Variants in LRMDA observed in about 807,000 individuals in gnomAD.
The protein encoded by LRMDA is leucine-rich melanocyte differentiation-associated protein.
In LRMDA, 18 loss-of-function variants were observed where a neutral mutation model predicts 29.8. The observed-to-expected ratio is 0.60, with a 90% confidence interval of 0.42 to 0.90. The LOEUF is 0.90. Ranked by LOEUF, LRMDA falls within the 40% of genes least tolerant of loss-of-function variation. The pLI, the probability that LRMDA is intolerant of heterozygous loss-of-function variation, is 0.00. For synonymous variants in LRMDA, 125 were observed against 109.4 expected (o/e 1.14, Z -0.89); for missense variants, 273 against 273.9 (o/e 1.00, Z 0.02).
intron 2 of LRMDA, among the ~76,000 whole-genome samples, chr10:75,709,633 T>G (rs1468863832): frequency 6.6e-6 from 1 of 152,192 alleles, no homozygotes; most frequent in Admixed American, 6.5e-5. Flanking sequence ...AAGGTCCTTC[T>G]CAGTGGCAGT....
chr10:75,579,454 A>G (rs1310318097), intron 2 of LRMDA, among the ~76,000 whole-genome samples: 2 of 152,188 alleles, frequency 1.3e-5, no homozygotes, highest in Admixed American at 6.5e-5. Flanking sequence ...AAAAAAGTCC[A>G]GGACCCGATG....
chr10:76,371,244 C>G (rs12220530), intron 6 of LRMDA, among the ~76,000 whole-genome samples: 20,423 of 152,124 alleles, frequency 0.13, 2,601 homozygotes, highest in African/African-American at 0.33. Flanking sequence ...AATTGAGATG[C>G]TGGACCTGAA....
At chr10:75,780,528 T>G (rs1202588615) in intron 2 of LRMDA, among the ~76,000 whole-genome samples, 2 of 152,090 alleles carry the variant, frequency 1.3e-5, no homozygotes, top group Non-Finnish European at 2.9e-5. Context: ...AGGACAGCAA[T>G]AGCTGGAGGA....
At chr10:75,697,834 A>AGTGTGTGTGT (rs377639647) in intron 2 of LRMDA, among the ~76,000 whole-genome samples, 36 of 132,140 alleles carry the variant, frequency 2.7e-4, no homozygotes, top group South Asian at 9.5e-4. Flanking sequence ...TGCATGTAAG[A>AGTGTGTGTGT]GTGTGTGTGT....
intron 6 of LRMDA, among the ~76,000 whole-genome samples, chr10:76,523,574 C>T (rs1843144114): frequency 6.6e-6 from 1 of 151,934 alleles, no homozygotes; most frequent in Non-Finnish European, 1.5e-5. Flanking sequence ...GAGTTTTCTG[C>T]CAGAAACAGC....
chr10:76,298,046 C>A (rs747552552), intron 5 of LRMDA, among the ~76,000 whole-genome samples: 2 of 152,210 alleles, frequency 1.3e-5, no homozygotes, highest in African/African-American at 2.4e-5. Context: ...CCTTGTCTTA[C>A]ACACAGCTGC....
chr10:75,778,862 A>T (rs1843344853), intron 2 of LRMDA, among the ~76,000 whole-genome samples: 1 of 152,196 alleles, frequency 6.6e-6, no homozygotes. Flanking sequence ...GTTTCACAAG[A>T]ACTTAGCTAT....
chr10:75,975,109 G>T (rs1398683375), intron 2 of LRMDA, among the ~76,000 whole-genome samples: 1 of 152,204 alleles, frequency 6.6e-6, no homozygotes, highest in African/African-American at 2.4e-5. Flanking sequence ...AGTCCTTTGG[G>T]ACGGAGTTAT....
At chr10:75,550,324 A>C (rs1239275618) in intron 2 of LRMDA, among the ~76,000 whole-genome samples, 1 of 151,986 alleles carries the variant, frequency 6.6e-6, no homozygotes, top group Non-Finnish European at 1.5e-5. Context: ...GTTTTTGTCT[A>C]CTTCTTTCAG....
chr10:76,338,146 A>T (rs1472353592), intron 6 of LRMDA, among the ~76,000 whole-genome samples: 9 of 152,046 alleles, frequency 5.9e-5, no homozygotes, highest in African/African-American at 2.2e-4. Flanking sequence ...TTGATCAGAA[A>T]CTATAGATTT....
chr10:76,019,212 C>T (rs1205316766), intron 2 of LRMDA, among the ~76,000 whole-genome samples: 1 of 152,140 alleles, frequency 6.6e-6, no homozygotes, highest in Non-Finnish European at 1.5e-5. Flanking sequence ...AGTGTGTGCT[C>T]TCTGATTCCT....
chr10:76,234,170 A>G (rs1564694851), intron 5 of LRMDA, among the ~76,000 whole-genome samples: 1 of 152,248 alleles, frequency 6.6e-6, no homozygotes, highest in East Asian at 1.9e-4. Flanking sequence ...GTGAGGAGGC[A>G]TTAAAACAGC....
chr10:76,120,741 A>G (rs896550794), intron 5 of LRMDA, among the ~76,000 whole-genome samples: 2 of 152,188 alleles, frequency 1.3e-5, no homozygotes, highest in Admixed American at 6.5e-5. Flanking sequence ...GACTTGAATC[A>G]AGACCAATAG....
chr10:76,295,390 G>T (rs1488334643), intron 5 of LRMDA, among the ~76,000 whole-genome samples: 1 of 152,150 alleles, frequency 6.6e-6, no homozygotes, highest in Non-Finnish European at 1.5e-5. Flanking sequence ...CAAATTCATT[G>T]TTATACTGAG....
chr10:76,284,840 C>T (rs1840251638), intron 5 of LRMDA, among the ~76,000 whole-genome samples: 1 of 152,076 alleles, frequency 6.6e-6, no homozygotes, highest in African/African-American at 2.4e-5. Context: ...AGGGCAGTTC[C>T]CCTGCACATG....
chr10:75,676,053 C>T (rs1841956163), intron 2 of LRMDA, among the ~76,000 whole-genome samples: 1 of 152,080 alleles, frequency 6.6e-6, no homozygotes, highest in South Asian at 2.1e-4. Flanking sequence ...TGGTTGGTGT[C>T]ACTCCCAGGT....
intron 6 of LRMDA, among the ~76,000 whole-genome samples, chr10:76,434,688 C>T (rs1286927932): frequency 6.6e-6 from 1 of 152,178 alleles, no homozygotes; most frequent in Non-Finnish European, 1.5e-5. Flanking sequence ...GCAAGATGCT[C>T]AGGATACAAC....
intron 2 of LRMDA, among the ~76,000 whole-genome samples, chr10:75,528,938 T>A (rs1845444970): frequency 1.3e-5 from 2 of 151,404 alleles, no homozygotes; most frequent in South Asian, 2.1e-4. Flanking sequence ...ATTCAACACA[T>A]GAAATGAAAA....
At chr10:75,681,809 A>G (rs1361284072) in intron 2 of LRMDA, among the ~76,000 whole-genome samples, 1 of 152,102 alleles carries the variant, frequency 6.6e-6, no homozygotes, top group East Asian at 1.9e-4. Flanking sequence ...TGGCCCTGTA[A>G]CTCTTAGGTC....
Sources: allele counts gnomAD v4.1 joint callset (sites outside exome capture counted in the v4.1 genomes callset), GRCh38; gene constraint gnomAD v4.1.1; transcripts MANE v1.5; gene names NCBI Gene and HGNC (gene_info 2026-07-23, HGNC 2026-07-21).